The following TTLL7 variants were observed in gnomAD, a reference collection of about 807,000 sequenced individuals.
TTLL7 encodes tubulin tyrosine ligase like 7.
TTLL7 carries 53 observed loss-of-function variants against 120.2 expected under a neutral mutation model. The observed-to-expected ratio is 0.44, with a 90% CI of 0.35 to 0.55. TTLL7 has a LOEUF of 0.55. Among genes scored for constraint, TTLL7 ranks in the 20% least tolerant of loss-of-function variants. The pLI is 0.00. For synonymous variants in TTLL7, 353 were observed against 351.7 expected (o/e 1.00, Z -0.04); for missense variants, 803 against 1,054.7 (o/e 0.76, Z 3.31).
chr1:83,967,835 G>A (rs989126180), intron 1 of TTLL7, among the ~76,000 whole-genome samples: 4 of 151,822 alleles, frequency 2.6e-5, no homozygotes, highest in African/African-American at 9.7e-5. Flanking sequence ...GGAATGAGGA[G>A]TTCAGCAATT....
intron 15 of TTLL7, among the ~76,000 whole-genome samples, chr1:83,908,935 A>C (rs1657445073): frequency 6.6e-6 from 1 of 152,060 alleles, no homozygotes; most frequent in African/African-American, 2.4e-5. Flanking sequence ...ATTAAAAAAA[A>C]CTTCTCTTTG....
At chr1:83,972,745 A>T (rs901758851) in intron 1 of TTLL7, among the ~76,000 whole-genome samples, 1 of 151,968 alleles carries the variant, frequency 6.6e-6, no homozygotes, top group African/African-American at 2.4e-5. Context: ...TGGTGTTGTG[A>T]GTGTTTTGGA....
intron 18 of TTLL7, among the ~76,000 whole-genome samples, chr1:83,902,762 C>G (rs1656830577): frequency 6.6e-6 from 1 of 151,964 alleles, no homozygotes; most frequent in African/African-American, 2.4e-5. Context: ...CATACACAAT[C>G]TTAGCCCTAA....
intron 20 of TTLL7, among the ~76,000 whole-genome samples, chr1:83,881,498 C>G (rs1654464676): frequency 1.3e-5 from 2 of 152,284 alleles, no homozygotes; most frequent in Non-Finnish European, 2.9e-5. Context: ...TGCTCACCAT[C>G]ACTGGCCATC....
chr1:83,949,903 C>T lies in TTLL7; in HGVS notation c.241G>A (p.Val81Ile), dbSNP rs753446483. 3 of 1,613,724 alleles carry T rather than the reference C, an allele frequency of 1.9e-6. No homozygotes were observed. The highest frequency in any genetic ancestry group is 2.5e-6 in the Non-Finnish European group (3 of 1,179,912). ...AGCTCTGAAATTTTCTCCTGCTGAA[C>T]AGCAGAATCACACCATATAAGATTA... The part of the protein sequence containing the change: ...TSNLIWCDSA[V>I]QQEKISELQN... Residue 81 changes from valine (V) to isoleucine (I), a missense_variant, in exon 4 of 21, where the codon GTT (valine) becomes ATT (isoleucine). By Grantham distance (29) the Val-to-Ile change is conservative (BLOSUM62 3). This residue lies in a region of TTLL7 where 91 missense variants were observed against 96.6 expected (regional missense o/e 0.94). Coordinates refer to ENST00000260505, the MANE Select transcript of TTLL7 (RefSeq NM_024686.6).
chr1:83,925,660 T>C (rs1293227184), intron 10 of TTLL7, among the ~76,000 whole-genome samples: 1 of 152,244 alleles, frequency 6.6e-6, no homozygotes, highest in Non-Finnish European at 1.5e-5. Flanking sequence ...TGGACTTTCA[T>C]GTGAATCGTT....
At chr1:83,971,420 G>A (rs35727609) in intron 1 of TTLL7, among the ~76,000 whole-genome samples, 13 of 152,112 alleles carry the variant, frequency 8.5e-5, no homozygotes, top group Non-Finnish European at 1.9e-4. Flanking sequence ...GCTTTGATAA[G>A]GCACAGCAAG....
At chr1:83,938,832 A>C (rs1366321998) in intron 7 of TTLL7, among the ~76,000 whole-genome samples, 1 of 152,184 alleles carries the variant, frequency 6.6e-6, no homozygotes, top group African/African-American at 2.4e-5. Flanking sequence ...GATCCTAAAG[A>C]TTACTTGAGA....
intron 6 of TTLL7, 72 bp downstream of exon 6, chr1:83,947,052 T>C: frequency 8.0e-7 from 1 of 1,250,982 alleles, no homozygotes; most frequent in East Asian, 2.6e-5. Flanking sequence ...GCATGAGTAA[T>C]TATGCACATT....
chr1:83,984,825 A>G (rs555494684), intron 1 of TTLL7, among the ~76,000 whole-genome samples: 1 of 152,162 alleles, frequency 6.6e-6, no homozygotes, highest in Non-Finnish European at 1.5e-5. Flanking sequence ...ATTGGGTACT[A>G]TGCTCACTAA....
At chr1:83,873,592 C>A (rs1653641989) in intron 20 of TTLL7, among the ~76,000 whole-genome samples, 1 of 152,118 alleles carries the variant, frequency 6.6e-6, no homozygotes, top group Admixed American at 6.6e-5. Flanking sequence ...TCAGACTACC[C>A]TATTTGTTTC....
chr1:83,899,496 C>T (rs1057176590), intron 18 of TTLL7, among the ~76,000 whole-genome samples: 4 of 151,826 alleles, frequency 2.6e-5, no homozygotes, highest in Admixed American at 1.3e-4. Flanking sequence ...TAAGACCAGC[C>T]CTTTCTGTTC....
chr1:83,995,095 CT>C (rs887103744), intron 1 of TTLL7, among the ~76,000 whole-genome samples: 18 of 152,192 alleles, frequency 1.2e-4, no homozygotes. Context: ...GCCTGCCTTT[CT>C]CCCAGTCTCC....
Position 83,869,895 on chromosome 1 carries a change from T to C in TTLL7, c.*67A>G. ...GCACTTAATGGTCATGTTCTTTGCATGTTCAACTTCAGAGGAAAAAAATGA... is the reference window on the plus strand; with the variant it reads ...GCACTTAATGGTCATGTTCTTTGCACGTTCAACTTCAGAGGAAAAAAATGA... On this transcript the variant is annotated 3_prime_UTR_variant, in exon 21 of 21. Coordinates refer to ENST00000260505, the MANE Select transcript of TTLL7 (RefSeq NM_024686.6). 2.5e-6 allele frequency: 4 copies of C among 1,571,930 alleles called. No homozygotes were observed.
chr1:83,894,152 T>A (rs1168624168), intron 18 of TTLL7, among the ~76,000 whole-genome samples: 1 of 152,122 alleles, frequency 6.6e-6, no homozygotes, highest in Non-Finnish European at 1.5e-5. Flanking sequence ...ATTTTTCTTC[T>A]CACTTTTCCT....
At chr1:83,946,007 C>T (rs1648457727) in intron 6 of TTLL7, 1 of 152,026 alleles carries the variant, frequency 6.6e-6, no homozygotes, top group Non-Finnish European at 1.5e-5. Flanking sequence ...TACCTGGTAG[C>T]TATATTTCCA....
At chr1:83,871,008 AT>A (rs1180364390) in intron 20 of TTLL7, among the ~76,000 whole-genome samples, 4 of 149,514 alleles carry the variant, frequency 2.7e-5, no homozygotes, top group Non-Finnish European at 5.9e-5. Context: ...GAAAGACAAT[AT>A]GGTGATTTAT....
At chr1:83,932,617 T>A (rs1283037963) in intron 9 of TTLL7, among the ~76,000 whole-genome samples, 2 of 152,048 alleles carry the variant, frequency 1.3e-5, no homozygotes, top group African/African-American at 2.4e-5. Flanking sequence ...TAGAAAAGTG[T>A]CATTTCTTTG....
At position 83,944,666 on chromosome 1, in the gene TTLL7, C is replaced by T. The variant is rs571078032; in HGVS notation, c.507-1987G>A. ...GAGGTTGCCGTGAGCCAAGATCATG[C>T]CACTGCACTCCAGCCTGGGTGACTG... On this transcript the variant is annotated intron_variant, in intron 6 of 20. Transcript: ENST00000260505. Among the ~76,000 whole-genome samples, 289 of 152,290 alleles carry T rather than the reference C, an allele frequency of 1.9e-3. 1 individual carries two copies. The highest frequency in any genetic ancestry group is 3.5e-3 in the Non-Finnish European group (240 of 68,006).
Sources: gnomAD v4.1 joint callset for allele counts (sites outside exome capture counted in the v4.1 genomes callset) on GRCh38, gnomAD v4.1.1 for gene constraint, gnomAD v4.1.1 regional missense constraint, MANE v1.5 for transcripts, NCBI Gene and HGNC (gene_info 2026-07-23, HGNC 2026-07-21) for gene names.